ADAM10: variants seen among roughly 807,000 people sequenced by gnomAD.
The protein encoded by ADAM10 is ADAM metallopeptidase domain 10.
ADAM10 carries 17 observed loss-of-function variants against 90.1 expected under a neutral mutation model. The observed-to-expected ratio is 0.19, with a 90% CI of 0.13 to 0.28. ADAM10 has a LOEUF of 0.28. ADAM10 is among the 10% of genes least tolerant of loss of function. The pLI is 1.00. For missense variants in ADAM10, 610 were observed against 914.3 expected (o/e 0.67, Z 4.29); for synonymous variants, 310 against 298.6 (o/e 1.04, Z -0.40).
intron 14 of ADAM10, among the ~76,000 whole-genome samples, chr15:58,601,096 ATTTGT>A (rs1437175775): frequency 6.6e-6 from 1 of 152,156 alleles, no homozygotes; most frequent in Non-Finnish European, 1.5e-5. Flanking sequence ...CTTTCTAAAC[ATTTGT>A]TTTATTTTGA....
chr15:58,749,664 A>T lies in ADAM10; in HGVS notation c.-130T>A, dbSNP rs1236907301. 1 of 1,475,714 alleles carries T rather than the reference A, an allele frequency of 6.8e-7. No individual in the cohort carries two copies. The highest frequency in any genetic ancestry group is 1.4e-5 in the African/African-American group (1 of 69,968). The allele number at this position is 1,475,714 out of a possible 1,614,324, so 91.4% of individuals were successfully genotyped here. ...GCCGGGACCTCCCCTGGCAGGAGAA[A>T]CGGCGAAGCACCTCCCTCTCGCTCC... On this transcript the variant is annotated 5_prime_UTR_variant, in exon 1 of 16. Transcript: ENST00000260408.
chr15:58,715,918 T>C lies in ADAM10; in HGVS notation c.206+1659A>G, dbSNP rs144297091. Among the ~76,000 whole-genome samples, 1,492 of 152,312 alleles carry C rather than the reference T, an allele frequency of 9.8e-3. 24 individuals are homozygous for C. Among genetic ancestry groups the C allele is most frequent in the African/African-American group, 0.034 (1,405 of 41,564 alleles). On this transcript the variant is annotated intron_variant, in intron 2 of 15. Transcript: ENST00000260408. The stretch of plus-strand genomic sequence containing the variant: ...GCAGTCAAACCATATTTGGTATAGA[T>C]TAATATAATTAATAATACTAAGTAT...
chr15:58,719,863 T>C lies in ADAM10; in HGVS notation c.56-2136A>G, dbSNP rs140320820. On this transcript the variant is annotated intron_variant, in intron 1 of 15. Coordinates refer to ENST00000260408, the MANE Select transcript of ADAM10 (RefSeq NM_001110.4). The stretch of plus-strand genomic sequence containing the variant: ...GTAGCTCTCTCTTAAGACTCACAGA[T>C]TAAATGATTTAAACCATGTGTGACA... Among the ~76,000 whole-genome samples, 364 of 152,276 alleles carry C rather than the reference T, an allele frequency of 2.4e-3. 4 individuals are homozygous for C. Among genetic ancestry groups the C allele is most frequent in the East Asian group, 0.016 (83 of 5,178 alleles).
chr15:58,609,291 G>T (rs536782328), intron 14 of ADAM10: 1 of 152,224 alleles, frequency 6.6e-6, no homozygotes, highest in South Asian at 2.1e-4. Context: ...AACCTAGGTA[G>T]ATCTCCTAAA....
At chr15:58,735,263 C>G (rs1407186641) in intron 1 of ADAM10, among the ~76,000 whole-genome samples, 3 of 152,172 alleles carry the variant, frequency 2.0e-5, no homozygotes, top group Admixed American at 1.3e-4. Context: ...TATCCTGATC[C>G]TTACTACTTG....
At position 58,588,986 on chromosome 15, in the gene ADAM10, C is replaced by T. The variant is rs1894770472; in HGVS notation, c.*8561G>A. On this transcript the variant is annotated 3_prime_UTR_variant, in exon 16 of 16. Transcript: ENST00000260408. ...TATTAGATTTTGAAAGAAAATTTAT[C>T]TCCAGGTATGACGGAAGGAGGTTGT... 1.3e-5 allele frequency: 2 copies of T among 152,164 alleles called. No homozygotes were observed. Among genetic ancestry groups the T allele is most frequent in the African/African-American group, 4.8e-5 (2 of 41,424 alleles). The allele number at this position is 152,164 out of a possible 1,614,324, so 9.4% of individuals were successfully genotyped here. A position where few individuals can be genotyped will look rare whatever the true frequency, so the allele number is the denominator to read the frequency against.
chr15:58,734,164 C>T (rs1217044370), intron 1 of ADAM10, among the ~76,000 whole-genome samples: 1 of 152,132 alleles, frequency 6.6e-6, no homozygotes, highest in Non-Finnish European at 1.5e-5. Context: ...ATCCTGATTA[C>T]ATCAATTTCT....
At chr15:58,708,113 A>G (rs1898362641) in intron 2 of ADAM10, among the ~76,000 whole-genome samples, 1 of 152,054 alleles carries the variant, frequency 6.6e-6, no homozygotes, top group South Asian at 2.1e-4. Context: ...CAATAAAACA[A>G]TGACAGGATT....
chr15:58,692,066 G>A (rs1324176147), intron 2 of ADAM10: 1 of 473,464 alleles, frequency 2.1e-6, no homozygotes, highest in East Asian at 6.3e-5. Flanking sequence ...AGATCCTTAA[G>A]AGTCAACCAT....
intron 2 of ADAM10, among the ~76,000 whole-genome samples, chr15:58,715,201 C>T (rs1224763418): frequency 1.3e-5 from 2 of 152,092 alleles, no homozygotes; most frequent in East Asian, 3.9e-4. Flanking sequence ...GTGAGCGGAT[C>T]ACTTGAAATC....
intron 11 of ADAM10, among the ~76,000 whole-genome samples, chr15:58,613,238 T>C (rs1187985461): frequency 6.6e-6 from 1 of 152,150 alleles, no homozygotes; most frequent in Admixed American, 6.5e-5. Context: ...CCACTGCACC[T>C]ACCTGGAAAA....
chr15:58,651,716 A>G (rs1285018941), intron 5 of ADAM10, among the ~76,000 whole-genome samples: 1 of 152,242 alleles, frequency 6.6e-6, no homozygotes, highest in Non-Finnish European at 1.5e-5. Context: ...TGCAGCAACA[A>G]ACATGGGAGT....
chr15:58,744,508 C>G (rs1189125378), intron 1 of ADAM10, among the ~76,000 whole-genome samples: 1 of 152,052 alleles, frequency 6.6e-6, no homozygotes, highest in African/African-American at 2.4e-5. Flanking sequence ...CCACAATCAT[C>G]TAGAATAAAT....
chr15:58,716,011 C>T (rs1376843438), intron 2 of ADAM10, among the ~76,000 whole-genome samples: 9 of 152,090 alleles, frequency 5.9e-5, no homozygotes, highest in African/African-American at 2.2e-4. Flanking sequence ...CATAAATACA[C>T]TAAAATGTTT....
chr15:58,687,678 A>C (rs1897643094), intron 2 of ADAM10, among the ~76,000 whole-genome samples: 1 of 152,150 alleles, frequency 6.6e-6, no homozygotes, highest in Admixed American at 6.5e-5. Context: ...AAATACGAAC[A>C]GTTAAACTGT....
chr15:58,722,616 C>T (rs1328904755), intron 1 of ADAM10, among the ~76,000 whole-genome samples: 1 of 151,644 alleles, frequency 6.6e-6, no homozygotes, highest in Non-Finnish European at 1.5e-5. Context: ...TGTCAGTTCC[C>T]TTCCCAACTT....
intron 11 of ADAM10, among the ~76,000 whole-genome samples, chr15:58,614,638 G>A (rs1221749260): frequency 6.6e-6 from 1 of 151,966 alleles, no homozygotes; most frequent in African/African-American, 2.4e-5. Context: ...TCTATACCCA[G>A]CAAAACTAAC....
chr15:58,744,614 T>C (rs902556130), intron 1 of ADAM10, among the ~76,000 whole-genome samples: 3 of 152,232 alleles, frequency 2.0e-5, no homozygotes, highest in African/African-American at 4.8e-5. Context: ...CTGTTCTCCA[T>C]ATTAAACTTC....
chr15:58,597,112 A>G lies in ADAM10; in HGVS notation c.*435T>C. ...TGTCTGCATATAACAAGGTATGTAC[A>G]TTGGCAAGTGATGTCTCCAATGTTG... On this transcript the variant is annotated 3_prime_UTR_variant, in exon 16 of 16. Coordinates refer to ENST00000260408, the MANE Select transcript of ADAM10 (RefSeq NM_001110.4). 3 of 383,360 alleles carry G rather than the reference A, an allele frequency of 7.8e-6. No homozygotes were observed. Among genetic ancestry groups the G allele is most frequent in the Non-Finnish European group, 9.7e-6 (2 of 206,584 alleles). The allele number at this position is 383,360 out of a possible 1,614,324, so 23.7% of individuals were successfully genotyped here. A position where few individuals can be genotyped will look rare whatever the true frequency, so the allele number is the denominator to read the frequency against.
Sources: allele counts gnomAD v4.1 joint callset (sites outside exome capture counted in the v4.1 genomes callset), GRCh38; gene constraint gnomAD v4.1.1; transcripts MANE v1.5; gene names NCBI Gene and HGNC (gene_info 2026-07-23, HGNC 2026-07-21).